PLEKHA5: variants seen among roughly 807,000 people sequenced by gnomAD.
PLEKHA5 encodes the protein pleckstrin homology domain containing A5.
Under a neutral mutation model 181.9 loss-of-function variants are expected in PLEKHA5, and 55 were observed. The ratio of observed to expected loss-of-function variants is 0.30; its 90% CI spans 0.24 to 0.38. PLEKHA5 has a LOEUF of 0.38. Among genes scored for constraint, PLEKHA5 ranks in the 10% least tolerant of loss-of-function variants. PLEKHA5 has a pLI of 1.00. For synonymous variants in PLEKHA5, 535 were observed against 529.4 expected, an observed-to-expected ratio of 1.01 and a Z score of -0.15; for missense variants, 1,432 against 1,549.5, an observed-to-expected ratio of 0.92 and a Z score of 1.27.
intron 15 of PLEKHA5, chr12:19,306,705 C>T (rs2083853644): frequency 6.8e-7 from 1 of 1,469,790 alleles, no homozygotes; most frequent in Non-Finnish European, 9.5e-7. Context: ...TCTTCGGTTT[C>T]CTAGGCAAGA....
At position 19,347,139 on chromosome 12, in the gene PLEKHA5, A is replaced by T; in HGVS notation, c.2855A>T (p.Lys952Met). 2 of 1,550,498 alleles carry T rather than the reference A, an allele frequency of 1.3e-6. No individual in the cohort carries two copies. Among genetic ancestry groups the T allele is most frequent in the Non-Finnish European group, 1.7e-6 (2 of 1,146,144 alleles). The part of the protein sequence containing the change: ...RGPVHLPEEK[K>M]MYQVQGYPRN... ...CCAGTTCATCTGCCTGAAGAAAAGA[A>T]GATGTATCAAGTTCAAGGATATCCA... The change falls in exon 24 of 32, where the codon AAG becomes ATG. Residue 952 changes from lysine (K) to methionine (M), a missense_variant. By Grantham distance (95) the Lys-to-Met change is moderately conservative. Around this residue, in one of 2 missense-constraint regions of PLEKHA5, gnomAD observed 1,143 missense variants for 1,168.4 expected, o/e 0.98. Coordinates refer to ENST00000429027, the MANE Select transcript of PLEKHA5 (RefSeq NM_001256470.2).
intron 12 of PLEKHA5, among the ~76,000 whole-genome samples, chr12:19,285,930 T>TA (rs1325592998): frequency 6.6e-6 from 1 of 152,238 alleles, no homozygotes; most frequent in African/African-American, 2.4e-5. Context: ...TTGTGAAACA[T>TA]ATTTTTACTT....
intron 3 of PLEKHA5, among the ~76,000 whole-genome samples, chr12:19,219,515 C>CTTTTTTTTTTTTT (rs11293939): frequency 1.4e-5 from 2 of 143,364 alleles, no homozygotes; most frequent in Non-Finnish European, 3.0e-5. Context: ...TGTTTCCCTT[C>CTTTTTTTTTTTTT]TTTTTTTTTT....
intron 3 of PLEKHA5, among the ~76,000 whole-genome samples, chr12:19,209,370 C>A (rs2056433789): frequency 6.6e-6 from 1 of 152,148 alleles, no homozygotes; most frequent in Non-Finnish European, 1.5e-5. Context: ...CTATCCACAT[C>A]AGTTTTCAAG....
chr12:19,195,580 A>G (rs2052480498), intron 3 of PLEKHA5, among the ~76,000 whole-genome samples: 1 of 149,688 alleles, frequency 6.7e-6, no homozygotes, highest in Non-Finnish European at 1.5e-5. Flanking sequence ...TGAGGTGGGA[A>G]GATTGATTGA....
At chr12:19,236,309 G>A (rs2061398807) in intron 3 of PLEKHA5, among the ~76,000 whole-genome samples, 1 of 152,142 alleles carries the variant, frequency 6.6e-6, no homozygotes. Context: ...TTAGCATTGT[G>A]ACTGTGGGCA....
intron 3 of PLEKHA5, among the ~76,000 whole-genome samples, chr12:19,215,013 A>C (rs2057679858): frequency 6.6e-6 from 1 of 152,124 alleles, no homozygotes; most frequent in Non-Finnish European, 1.5e-5. Flanking sequence ...CCCCGTTTCT[A>C]CTAAAAATAA....
chr12:19,340,461 G>A (rs1327902117), intron 21 of PLEKHA5, among the ~76,000 whole-genome samples: 4 of 136,870 alleles, frequency 2.9e-5, no homozygotes, highest in Non-Finnish European at 6.6e-5. Context: ...GTACTCAACA[G>A]CTCATTGAGA....
chr12:19,148,467 C>G (rs759049026), intron 3 of PLEKHA5, among the ~76,000 whole-genome samples: 26 of 152,242 alleles, frequency 1.7e-4, no homozygotes, highest in Non-Finnish European at 3.2e-4. Context: ...AGTAGTAGCC[C>G]CTGAACACAC....
rs376166472 is a variant in PLEKHA5 at position 19,173,441 on chromosome 12, T to C, written c.227+40991T>C. On this transcript the variant is annotated intron_variant, in intron 3 of 31. Transcript: ENST00000429027. ...AGTTTTCAATCTCTGCCCATCAGAA[T>C]AGTAAAGAAAGGATTCTCCAAAAAA... Among the ~76,000 whole-genome samples, 31 of 127,454 alleles carry C rather than the reference T, an allele frequency of 2.4e-4. 1 individual carries two copies. Among genetic ancestry groups the C allele is most frequent in the African/African-American group, 8.2e-4 (29 of 35,384 alleles). 83.6% of individuals were successfully genotyped at this position (127,454 alleles called of 152,430 possible).
chr12:19,348,029 C>G (rs2094424976), intron 24 of PLEKHA5, among the ~76,000 whole-genome samples: 1 of 151,908 alleles, frequency 6.6e-6, no homozygotes, highest in Admixed American at 6.6e-5. Context: ...ATTATAGGCG[C>G]ACACCACCAT....
Position 19,343,436 on chromosome 12 carries a change from T to A in PLEKHA5, c.2662+2T>A. ...AGCAAAGAGGTACTACAGAAATAGG[T>A]AAATTAGCTTTGCATTTTATTTTGT... On this transcript the variant is annotated splice_donor_variant, in intron 22 of 31. Coordinates refer to ENST00000429027, the MANE Select transcript of PLEKHA5 (RefSeq NM_001256470.2). LOFTEE classifies it high-confidence loss of function. 1 of 1,523,866 alleles carries A rather than the reference T, an allele frequency of 6.6e-7. No homozygotes were observed. Among genetic ancestry groups the A allele is most frequent in the Non-Finnish European group, 9.1e-7 (1 of 1,098,170 alleles). The allele number at this position is 1,523,866 out of a possible 1,614,324, so 94.4% of individuals were successfully genotyped here.
chr12:19,351,537 A>G (rs1592598054), intron 25 of PLEKHA5, among the ~76,000 whole-genome samples: 1 of 152,128 alleles, frequency 6.6e-6, no homozygotes, highest in South Asian at 2.1e-4. Flanking sequence ...TCAGACTTTC[A>G]TAAGTTTAAG....
chr12:19,288,583 C>T (rs535049748), intron 13 of PLEKHA5, among the ~76,000 whole-genome samples: 1 of 152,290 alleles, frequency 6.6e-6, no homozygotes, highest in Admixed American at 6.5e-5. Flanking sequence ...TAATCAAATT[C>T]ATCTTATGTG....
At chr12:19,269,659 T>G (rs972368708) in intron 8 of PLEKHA5, 111 bp from the exon 9 acceptor site, 15 of 562,384 alleles carry the variant, frequency 2.7e-5, no homozygotes, top group African/African-American at 1.7e-4. Flanking sequence ...AAGTCTACTT[T>G]CTCTGAAATT....
At chr12:19,306,635 G>A (rs911716641) in intron 15 of PLEKHA5, 3 of 1,149,376 alleles carry the variant, frequency 2.6e-6, no homozygotes, top group Non-Finnish European at 1.3e-6. Flanking sequence ...TGGAGGCGGC[G>A]GCATCGAGGT....
At chr12:19,162,082 A>G (rs1468109726) in intron 3 of PLEKHA5, among the ~76,000 whole-genome samples, 9 of 152,198 alleles carry the variant, frequency 5.9e-5, no homozygotes, top group Admixed American at 3.3e-4. Context: ...GAAATGCTAA[A>G]TTTTAGTTAG....
chr12:19,256,556 T>G (rs1273458040), intron 5 of PLEKHA5, among the ~76,000 whole-genome samples: 1 of 152,182 alleles, frequency 6.6e-6, no homozygotes, highest in Non-Finnish European at 1.5e-5. Context: ...AAGCATTACC[T>G]GTTTGAAAGT....
chr12:19,335,929 G>C, intron 20 of PLEKHA5, among the ~76,000 whole-genome samples: 1 of 152,116 alleles, frequency 6.6e-6, no homozygotes, highest in Non-Finnish European at 1.5e-5. Context: ...ACTGCGTCTG[G>C]CAGATGATGT....
Sources: allele counts gnomAD v4.1 joint callset (sites outside exome capture counted in the v4.1 genomes callset), GRCh38; gene constraint gnomAD v4.1.1; regional missense constraint gnomAD v4.1.1; transcripts MANE v1.5; gene names NCBI Gene and HGNC (gene_info 2026-07-23, HGNC 2026-07-21).